Variants in FHIT observed in about 807,000 individuals in gnomAD.
FHIT encodes fragile histidine triad diadenosine triphosphatase, also known as bis(5'-adenosyl)-triphosphatase.
In FHIT, 19 loss-of-function variants were observed where a neutral mutation model predicts 17.9. That is an observed-to-expected ratio of 1.06 (90% CI 0.74 to 1.56). The LOEUF (loss-of-function observed/expected upper bound fraction) is 1.56. FHIT is among the 40% of genes most tolerant of loss of function. The probability of loss-of-function intolerance (pLI) is 0.00; values close to 1 mark genes in which losing one functional copy is unlikely to be tolerated. For missense variants in FHIT, 248 were observed against 189.2 expected, an observed-to-expected ratio of 1.31 and a Z score of -1.82; for synonymous variants, 81 against 69.7, an observed-to-expected ratio of 1.16 and a Z score of -0.81.
intron 1 of FHIT, among the ~76,000 whole-genome samples, chr3:61,220,893 G>T (rs2039818078): frequency 6.6e-6 from 1 of 152,130 alleles, no homozygotes; most frequent in African/African-American, 2.4e-5. Flanking sequence ...TCTATGGCCT[G>T]AGACACATAC....
rs143753852 is a variant in FHIT, at chr3:60,268,050, T to C, written c.104-253898A>G. ...GAAAATGTCACTTAATAAATAACCT[T>C]CAAATTTAAATGCAAACTGTGGATA... On this transcript the variant is annotated intron_variant, in intron 5 of 9. Transcript: ENST00000492590. 8.8e-4 allele frequency among the ~76,000 whole-genome samples: 134 copies of C among 152,236 alleles called. 1 individual carries two copies. The highest frequency in any genetic ancestry group is 3.1e-3 in the African/African-American group (128 of 41,552).
At position 60,353,192 on chromosome 3, in the gene FHIT, C is replaced by G. The variant is rs192918664; in HGVS notation, c.103+183668G>C. Among the ~76,000 whole-genome samples the G allele has an allele frequency of 1.4e-4, 21 of 152,232 alleles. No homozygotes were observed. In the East Asian group the frequency reaches 4.1e-3, roughly 29 times the overall value. The stretch of plus-strand genomic sequence containing the variant: ...TAATTCCTTCTGAAAGCCAAAAATT[C>G]AGACCCATTTACCATGAAGCTGAAT... On this transcript the variant is annotated intron_variant, in intron 5 of 9. Coordinates refer to ENST00000492590, the MANE Select transcript of FHIT (RefSeq NM_002012.4).
chr3:60,870,873 G>GT (rs1253914655), intron 3 of FHIT, among the ~76,000 whole-genome samples: 4 of 152,094 alleles, frequency 2.6e-5, no homozygotes, highest in Non-Finnish European at 5.9e-5. Context: ...TGGTAAATGA[G>GT]TGTACCCCAG....
At chr3:60,569,755 A>ACATATATATATATATATATATT (rs1553654910) in intron 4 of FHIT, among the ~76,000 whole-genome samples, 79 of 77,332 alleles carry the variant, frequency 1.0e-3, no homozygotes, top group Non-Finnish European at 1.3e-3. Flanking sequence ...ATATATATAT[A>ACATATATATATATATATATATT]TTTTTTTTTT....
At chr3:60,722,169 C>T (rs1559670025) in intron 4 of FHIT, among the ~76,000 whole-genome samples, 1 of 152,160 alleles carries the variant, frequency 6.6e-6, no homozygotes, top group Admixed American at 6.5e-5. Context: ...CACATTCCTC[C>T]AGAGTCAATG....
At chr3:61,014,779 C>CAAA (rs869289360) in intron 3 of FHIT, among the ~76,000 whole-genome samples, 9 of 65,804 alleles carry the variant, frequency 1.4e-4, no homozygotes, top group Middle Eastern at 0.016. Context: ...GACTCTGCCT[C>CAAA]AAAAAAAAAA....
intron 5 of FHIT, among the ~76,000 whole-genome samples, chr3:60,146,330 A>C (rs1700240192): frequency 6.6e-6 from 1 of 151,882 alleles, no homozygotes; most frequent in Admixed American, 6.6e-5. Flanking sequence ...ACCAGCTCAC[A>C]GAATTCCTGA....
At chr3:59,803,690 A>C (rs1700088132) in intron 8 of FHIT, among the ~76,000 whole-genome samples, 1 of 152,216 alleles carries the variant, frequency 6.6e-6, no homozygotes, top group African/African-American at 2.4e-5. Context: ...CCAACAAAGC[A>C]AAATGGCTTT....
intron 5 of FHIT, among the ~76,000 whole-genome samples, chr3:60,061,704 A>C (rs959653654): frequency 6.6e-6 from 1 of 152,226 alleles, no homozygotes; most frequent in African/African-American, 2.4e-5. Context: ...TTCTTTGCTC[A>C]AAACATTAAT....
At chr3:60,233,921 C>G (rs1282461523) in intron 5 of FHIT, among the ~76,000 whole-genome samples, 1 of 152,140 alleles carries the variant, frequency 6.6e-6, no homozygotes, top group Non-Finnish European at 1.5e-5. Flanking sequence ...GAGGCCTCCC[C>G]AACCACGTGG....
intron 4 of FHIT, among the ~76,000 whole-genome samples, chr3:60,604,827 C>A (rs2107719628): frequency 6.6e-6 from 1 of 152,264 alleles, no homozygotes; most frequent in South Asian, 2.1e-4. Context: ...AAAGCAAGTT[C>A]ATTTAATCCT....
rs556827079 is a variant in FHIT at position 59,820,012 on chromosome 3, C to T, written c.349-67691G>A. On this transcript the variant is annotated intron_variant, in intron 8 of 9. Coordinates refer to ENST00000492590, the MANE Select transcript of FHIT (RefSeq NM_002012.4). Reference sequence around the variant, plus strand: ...GCCAGAAGCAGAGGGCAAGCCCTCACCAGAAACCCAATCCGCTGGCACCTT... The same window carrying T: ...GCCAGAAGCAGAGGGCAAGCCCTCATCAGAAACCCAATCCGCTGGCACCTT... Among the ~76,000 whole-genome samples, 4 of 152,320 alleles carry T rather than the reference C, an allele frequency of 2.6e-5. No individual in the cohort carries two copies. The East Asian group carries it at 5.8e-4, about 22-fold the overall frequency.
At chr3:60,205,835 G>A (rs562861818) in intron 5 of FHIT, among the ~76,000 whole-genome samples, 25 of 152,006 alleles carry the variant, frequency 1.6e-4, no homozygotes, top group Admixed American at 1.4e-3. Flanking sequence ...AAGGCTGGGC[G>A]CGGTGGCTCA....
In FHIT at chr3:61,183,473, C is replaced by A. The variant is rs555207558; in HGVS notation, c.-164+17144G>T. Among the ~76,000 whole-genome samples the A allele has an allele frequency of 2.6e-5, 4 of 152,310 alleles. No individual in the cohort carries two copies. The East Asian group carries it at 7.7e-4, about 29-fold the overall frequency. ...TGCCTTTTCAGAGAAATGACAGGTTCTTCTCCCCTTGCCTGATCAAAAGAT... is the reference window on the plus strand; with the variant it reads ...TGCCTTTTCAGAGAAATGACAGGTTATTCTCCCCTTGCCTGATCAAAAGAT... On this transcript the variant is annotated intron_variant, in intron 2 of 9. Transcript: ENST00000492590.
Position 60,717,899 on chromosome 3 carries a change from A to G in FHIT, c.-18+104020T>C, listed in dbSNP as rs1275375668. Among the ~76,000 whole-genome samples the G allele has an allele frequency of 2.0e-5, 3 of 152,336 alleles. No individual in the cohort carries two copies. The East Asian group carries it at 5.8e-4, about 29-fold the overall frequency. On this transcript the variant is annotated intron_variant, in intron 4 of 9. Coordinates refer to ENST00000492590, the MANE Select transcript of FHIT (RefSeq NM_002012.4). ...AAGAAATCAACTCAACAAAAGCTGA[A>G]GACAACACACACACGGCTTAGGATA...
chr3:60,955,536 C>A (rs139691617), intron 3 of FHIT, among the ~76,000 whole-genome samples: 1 of 146,184 alleles, frequency 6.8e-6, no homozygotes, highest in East Asian at 2.0e-4. Flanking sequence ...GAGATTAAAC[C>A]ATTATAAAAC....
At chr3:60,317,788 C>CT (rs10713144) in intron 5 of FHIT, among the ~76,000 whole-genome samples, 128 of 138,538 alleles carry the variant, frequency 9.2e-4, no homozygotes, top group Admixed American at 1.9e-3. Flanking sequence ...AGTTTTTCTT[C>CT]TTTTTTTTTT....
At chr3:59,885,441 C>CTT (rs60795525) in intron 8 of FHIT, among the ~76,000 whole-genome samples, 2,453 of 136,000 alleles carry the variant, frequency 0.018, 84 homozygotes, top group African/African-American at 0.063. Flanking sequence ...CTACCTGATG[C>CTT]TTTTTTTTTT....
chr3:60,467,833 T>G (rs1426663297), intron 5 of FHIT, among the ~76,000 whole-genome samples: 2 of 152,156 alleles, frequency 1.3e-5, no homozygotes, highest in Non-Finnish European at 2.9e-5. Context: ...GTCCATTTGG[T>G]CTGTACTGCA....
Sources: gnomAD v4.1 joint callset for allele counts (sites outside exome capture counted in the v4.1 genomes callset) on GRCh38, gnomAD v4.1.1 for gene constraint, MANE v1.5 for transcripts, NCBI Gene and HGNC (gene_info 2026-07-23, HGNC 2026-07-21) for gene names.